Variants in DOP1B observed in about 807,000 individuals in gnomAD.
DOP1B encodes protein DOP1B.
DOP1B carries 174 observed loss-of-function variants against 233.5 expected under a neutral mutation model. The observed-to-expected ratio is 0.75, with a 90% CI of 0.66 to 0.85. DOP1B has a LOEUF of 0.85. Among genes scored for constraint, DOP1B ranks in the 40% least tolerant of loss-of-function variants. DOP1B has a pLI of 0.00. For synonymous variants in DOP1B, 1,190 were observed against 1,185.6 expected (o/e 1.00, Z -0.08); for missense variants, 2,652 against 2,846.6 (o/e 0.93, Z 1.56).
chr21:36,207,047 T>A (rs1415673102), intron 4 of DOP1B, among the ~76,000 whole-genome samples: 2 of 152,010 alleles, frequency 1.3e-5, no homozygotes, highest in Non-Finnish European at 2.9e-5. Flanking sequence ...GTTTTTCGAG[T>A]GCCAACCTGG....
chr21:36,267,857 T>C (rs2067248486), intron 26 of DOP1B, among the ~76,000 whole-genome samples: 1 of 152,070 alleles, frequency 6.6e-6, no homozygotes, highest in Middle Eastern at 3.4e-3. Context: ...ATTAAGGGTT[T>C]CAAAAGGGGA....
intron 26 of DOP1B, 92 bp from the exon 27 acceptor site, chr21:36,269,921 G>C: frequency 7.5e-7 from 1 of 1,337,620 alleles, no homozygotes; most frequent in Non-Finnish European, 1.1e-6. Flanking sequence ...GCTGTGGCCT[G>C]CATTTTATTT....
chr21:36,227,656 G>C (rs754938003), intron 12 of DOP1B, 30 bp from the exon 13 acceptor site: 1 of 1,457,068 alleles, frequency 6.9e-7, no homozygotes, highest in African/African-American at 1.4e-5. Flanking sequence ...AACCAACATT[G>C]TGGGGTTAAC....
chr21:36,200,928 T>C (rs2066357517), intron 4 of DOP1B, among the ~76,000 whole-genome samples: 1 of 151,672 alleles, frequency 6.6e-6, no homozygotes, highest in Non-Finnish European at 1.5e-5. Flanking sequence ...TCACATTTCC[T>C]TGGTGGTTGT....
chr21:36,179,676 T>C (rs568998254), intron 2 of DOP1B, among the ~76,000 whole-genome samples: 1 of 152,218 alleles, frequency 6.6e-6, no homozygotes, highest in South Asian at 2.1e-4. Context: ...AAAATGCTTA[T>C]TATAAATAAG....
intron 20 of DOP1B, 48 bp from the exon 21 acceptor site, chr21:36,248,332 A>G: frequency 1.3e-6 from 2 of 1,593,902 alleles, no homozygotes; most frequent in Non-Finnish European, 1.7e-6. Context: ...GGGAAGAAAA[A>G]CCATTCCACA....
rs1022979835 is a variant in DOP1B, at chr21:36,223,332, G to A, written c.1352G>A (p.Cys451Tyr). Residue 451 changes from cysteine to tyrosine, a missense_variant, in exon 11 of 37, where the codon TGT becomes TAT. This residue lies in a region of DOP1B where 2,617 missense variants were observed against 2,794.3 expected (regional missense o/e 0.94). Coordinates refer to ENST00000691173, the MANE Select transcript of DOP1B (RefSeq NM_001320714.2). ...TDFLWDYMTRCFEECFRPVKQ... is the reference protein window; with the variant it reads ...TDFLWDYMTRYFEECFRPVKQ... ...TTTCTCTGGGATTATATGACAAGGT[G>A]TTTTGAGGAATGCTTTAGGTAAGTA... is the stretch of plus-strand genomic sequence containing the variant. 1 of 1,609,646 alleles carries A rather than the reference G, an allele frequency of 6.2e-7. No individual in the cohort carries two copies. Among genetic ancestry groups the A allele is most frequent in the Non-Finnish European group, 8.5e-7 (1 of 1,179,160 alleles).
chr21:36,247,776 C>T (rs1211235238), intron 20 of DOP1B, 148 bp downstream of exon 20: 8 of 595,464 alleles, frequency 1.3e-5, no homozygotes, highest in Non-Finnish European at 2.0e-5. Context: ...GCAAATATTA[C>T]ATAAGTCACG....
chr21:36,268,467 C>T (rs952790874), intron 26 of DOP1B, among the ~76,000 whole-genome samples: 9 of 152,088 alleles, frequency 5.9e-5, no homozygotes, highest in African/African-American at 1.2e-4. Flanking sequence ...TTCAAACACA[C>T]GTTTTACAAT....
At chr21:36,162,064 A>G (rs1333757632) in intron 1 of DOP1B, among the ~76,000 whole-genome samples, 2 of 152,250 alleles carry the variant, frequency 1.3e-5, no homozygotes, top group Non-Finnish European at 2.9e-5. Context: ...TATAAGTGAC[A>G]GTAGTGTATT....
In DOP1B at chr21:36,293,466, C is replaced by T. The variant is rs775068226; in HGVS notation, c.6792C>T (p.Ser2264=). The T allele has an allele frequency of 7.4e-6, 12 of 1,614,004 alleles. No homozygotes were observed. In the East Asian group the frequency reaches 2.0e-4, roughly 27 times the overall value. Residue 2264 remains serine, a synonymous_variant, in exon 37 of 37, where the codon AGC becomes AGT. Transcript: ENST00000691173. ...FKTQRQLPAD[S]PGTPFLDFPV... is the part of the protein sequence containing the mutation. Reference sequence around the variant, plus strand: ...CCCAGAGACAGCTGCCTGCTGATAGCCCAGGAACTCCATTCTTGGACTTTC... The same window carrying T: ...CCCAGAGACAGCTGCCTGCTGATAGTCCAGGAACTCCATTCTTGGACTTTC...
chr21:36,225,231 A>AT (rs759213725), intron 11 of DOP1B, among the ~76,000 whole-genome samples: 1,893 of 145,030 alleles, frequency 0.013, 28 homozygotes, highest in African/African-American at 0.034. Flanking sequence ...AGAAGAATTG[A>AT]TTTTTTTTTT....
At chr21:36,223,145 G>A (rs2066645219) in intron 10 of DOP1B, 86 bp from the exon 11 acceptor site, 3 of 1,397,900 alleles carry the variant, frequency 2.1e-6, no homozygotes, top group Non-Finnish European at 2.9e-6. Flanking sequence ...GTTGCAGATG[G>A]TGAAATCAAT....
chr21:36,239,939 G>A lies in DOP1B; in HGVS notation c.3051G>A (p.Lys1017=). 3.7e-6 allele frequency: 6 copies of A among 1,610,294 alleles called. No individual in the cohort carries two copies. The South Asian group carries it at 5.5e-5, about 15-fold the overall frequency. Residue 1017 remains lysine, a synonymous_variant, in exon 18 of 37, where the codon AAG becomes AAA. Coordinates refer to ENST00000691173, the MANE Select transcript of DOP1B (RefSeq NM_001320714.2). ...KTQRTSIHCL[K]QENSADDLHR... is the part of the protein sequence containing the mutation. ...AGAGAACCTCCATCCACTGCCTCAA[G>A]CAGGAGAACTCGGCCGGTGAGCAGC...
intron 32 of DOP1B, among the ~76,000 whole-genome samples, chr21:36,287,744 G>A (rs532054800): frequency 1.3e-5 from 2 of 151,636 alleles, no homozygotes; most frequent in East Asian, 1.9e-4. Context: ...CCACCACCAC[G>A]CCCGACTAAT....
intron 2 of DOP1B, among the ~76,000 whole-genome samples, chr21:36,192,649 GC>G (rs1272478202): frequency 6.6e-6 from 1 of 151,280 alleles, no homozygotes; most frequent in African/African-American, 2.4e-5. Context: ...CTCTCAGAGT[GC>G]TGGGATTACA....
At chr21:36,219,221 C>T in intron 9 of DOP1B, 151 bp from the exon 10 acceptor site, 2 of 1,071,182 alleles carry the variant, frequency 1.9e-6, no homozygotes, top group Non-Finnish European at 2.6e-6. Flanking sequence ...AAGTTGTCAC[C>T]AGTAAAGTTA....
At chr21:36,260,267 GAA>G (rs372025629) in intron 23 of DOP1B, among the ~76,000 whole-genome samples, 1 of 113,052 alleles carries the variant, frequency 8.8e-6, no homozygotes, top group East Asian at 3.3e-4. Flanking sequence ...AGGAAGGAAG[GAA>G]AGAAAGAAAG....
chr21:36,187,559 A>G (rs1601394642), intron 2 of DOP1B, among the ~76,000 whole-genome samples: 1 of 152,048 alleles, frequency 6.6e-6, no homozygotes, highest in East Asian at 1.9e-4. Flanking sequence ...TGCCTCCCAA[A>G]GTGCTGGGAT....
Sources: allele counts gnomAD v4.1 joint callset (sites outside exome capture counted in the v4.1 genomes callset), GRCh38; gene constraint gnomAD v4.1.1; regional missense constraint gnomAD v4.1.1; transcripts MANE v1.5; gene names NCBI Gene and HGNC (gene_info 2026-07-23, HGNC 2026-07-21).